Variants in MAPKBP1 observed in about 807,000 individuals in gnomAD.
MAPKBP1 encodes the protein mitogen-activated protein kinase-binding protein 1.
Under a neutral mutation model 170.5 loss-of-function variants are expected in MAPKBP1, and 71 were observed. That is an observed-to-expected ratio of 0.42 (90% CI 0.34 to 0.51). The LOEUF is 0.51. Ranked by LOEUF, MAPKBP1 falls within the 20% of genes least tolerant of loss-of-function variation. MAPKBP1 has a pLI of 0.06. For synonymous variants in MAPKBP1, 719 were observed against 757.9 expected, an observed-to-expected ratio of 0.95 and a Z score of 0.84; for missense variants, 1,598 against 1,933.0, an observed-to-expected ratio of 0.83 and a Z score of 3.25.
rs1249164007 is a variant in MAPKBP1 at position 41,824,561 on chromosome 15, T to C, written c.4291T>C (p.Tyr1431His). 6.3e-7 allele frequency: 1 copy of C among 1,594,794 alleles called. No homozygotes were observed. The highest frequency in any genetic ancestry group is 8.5e-7 in the Non-Finnish European group (1 of 1,172,498). ...CAGCGTGCGCCAGGCAGTGCGGCTC[T>C]ACCACTCGGTGGGTGTTAGGTGCCC... ...RGSVRQAVRL[Y>H]HSVAGCKMPS... Residue 1431 changes from tyrosine (Y) to histidine (H), a missense_variant, in exon 30 of 31, where the codon TAC (tyrosine) becomes CAC (histidine). Transcript: ENST00000457542.
At chr15:41,808,238 C>A (rs1890456318) in intron 3 of MAPKBP1, among the ~76,000 whole-genome samples, 1 of 150,754 alleles carries the variant, frequency 6.6e-6, no homozygotes, top group Admixed American at 6.6e-5. Context: ...TCCCCAGTAG[C>A]TGGGACTACA....
rs559673133 is a variant in MAPKBP1 at position 41,775,262 on chromosome 15, G to T, written c.-14G>T. On this transcript the variant is annotated 5_prime_UTR_variant, in exon 2 of 31. Transcript: ENST00000457542. ...GACTGGGCCGGGGACTGTCCCAAAG[G>T]GTTTCTCGTCATAATGGCTGTGGAA... is the stretch of plus-strand genomic sequence containing the variant. 4 of 1,608,014 alleles carry T rather than the reference G, an allele frequency of 2.5e-6. 1 individual carries two copies. The African/African-American group carries it at 5.3e-5, about 21-fold the overall frequency.
chr15:41,804,532 G>C (rs1385938611), intron 3 of MAPKBP1, among the ~76,000 whole-genome samples: 4 of 152,242 alleles, frequency 2.6e-5, no homozygotes, highest in Admixed American at 2.6e-4. Context: ...AAAAGGCCTT[G>C]GGGTGCTGCT....
intron 1 of MAPKBP1, chr15:41,774,954 C>CCCG (rs2064071998): frequency 2.1e-6 from 1 of 485,856 alleles, no homozygotes; most frequent in South Asian, 4.0e-5. Flanking sequence ...CAGTTAAACG[C>CCCG]CTCTGGCGGG....
rs558444031 is a variant in MAPKBP1 at position 41,813,795 on chromosome 15, G to C, written c.980+14G>C. The C allele has an allele frequency of 2.5e-6, 4 of 1,568,876 alleles. No homozygotes were observed. Among genetic ancestry groups the C allele is most frequent in the Non-Finnish European group, 3.5e-6 (4 of 1,158,460 alleles). ...CACCGAGGCCAGGTGAGCTATGTGG[G>C]CCCCCCTTCCTCCATTTGTAGCCTT... is the stretch of plus-strand genomic sequence containing the variant. On this transcript the variant is annotated intron_variant, in intron 9 of 30. Coordinates refer to ENST00000457542, the MANE Select transcript of MAPKBP1 (RefSeq NM_014994.3).
rs1197976135 is a variant in MAPKBP1, at chr15:41,813,659, C to T, written c.858C>T (p.Tyr286=). 6.2e-7 allele frequency: 1 copy of T among 1,614,130 alleles called. No homozygotes were observed. Among genetic ancestry groups the T allele is most frequent in the South Asian group, 1.1e-5 (1 of 91,082 alleles). The change falls in exon 9 of 31, where the codon TAC becomes TAT. Residue 286 remains tyrosine (Y), a synonymous_variant. Transcript: ENST00000457542. ...ACTGCATCTCTGTGAGCCAAGACTA[C>T]ATCTTCTGTGGCTGTGCTGATGGCA... The part of the protein sequence containing the change: ...VAHCISVSQD[Y]IFCGCADGTV...
At chr15:41,791,802 A>C (rs2064400522) in intron 2 of MAPKBP1, among the ~76,000 whole-genome samples, 1 of 151,970 alleles carries the variant, frequency 6.6e-6, no homozygotes, top group African/African-American at 2.4e-5. Flanking sequence ...CACTGCCTGT[A>C]CCTCATCTTC....
chr15:41,803,556 A>G (rs1013254886), intron 3 of MAPKBP1, among the ~76,000 whole-genome samples: 5 of 151,992 alleles, frequency 3.3e-5, no homozygotes, highest in Admixed American at 3.3e-4. Context: ...AAAAGTAAAA[A>G]TAAAAAAAAT....
At chr15:41,781,896 A>G (rs2064194916) in intron 2 of MAPKBP1, among the ~76,000 whole-genome samples, 1 of 152,070 alleles carries the variant, frequency 6.6e-6, no homozygotes, top group South Asian at 2.1e-4. Flanking sequence ...TCTTTTCTTC[A>G]TAAGTTTGGC....
At chr15:41,805,501 G>A (rs1446467754) in intron 3 of MAPKBP1, among the ~76,000 whole-genome samples, 2 of 152,228 alleles carry the variant, frequency 1.3e-5, no homozygotes, top group African/African-American at 4.8e-5. Flanking sequence ...GCGCACAGCT[G>A]CTCCTCTCCC....
At chr15:41,821,434 C>T in intron 23 of MAPKBP1, 150 bp from the exon 24 acceptor site, 1 of 711,476 alleles carries the variant, frequency 1.4e-6, no homozygotes, top group Non-Finnish European at 2.4e-6. Flanking sequence ...CTTCAGCTTC[C>T]CCTTGAATGA....
At chr15:41,814,320 T>A (rs1306446041) in intron 9 of MAPKBP1, among the ~76,000 whole-genome samples, 1 of 152,218 alleles carries the variant, frequency 6.6e-6, no homozygotes, top group Non-Finnish European at 1.5e-5. Flanking sequence ...GTACCTTGTC[T>A]AACGTTGGTG....
chr15:41,819,555 G>GGGGGGA, intron 21 of MAPKBP1, 40 bp from the exon 22 acceptor site: 7 of 1,481,942 alleles, frequency 4.7e-6, no homozygotes. Flanking sequence ...GGCGGGGGGG[G>GGGGGGA]GGCAGGAGAC....
chr15:41,794,617 T>C (rs2064453525), intron 2 of MAPKBP1, among the ~76,000 whole-genome samples: 1 of 152,148 alleles, frequency 6.6e-6, no homozygotes, highest in South Asian at 2.1e-4. Context: ...TGGTCTGAAA[T>C]ACCCCAGTTT....
rs1462101032 is a variant in MAPKBP1, at chr15:41,793,251, G to GC, written c.115-6570dup. ...GCCTGTAATCCCAGCACTTTGGGAGGCCGAGATGGGTGGATCATGAGGTCA... is the reference window on the plus strand; with the variant it reads ...GCCTGTAATCCCAGCACTTTGGGAGGCCCGAGATGGGTGGATCATGAGGTCA... On this transcript the variant is annotated intron_variant, in intron 2 of 30. Transcript: ENST00000457542. Among the ~76,000 whole-genome samples, 5 of 152,210 alleles carry GC rather than the reference G, an allele frequency of 3.3e-5. No homozygotes were observed. In the East Asian group the frequency reaches 9.6e-4, roughly 29 times the overall value.
At chr15:41,811,263 T>C in intron 5 of MAPKBP1, 28 bp downstream of exon 5, 2 of 1,613,772 alleles carry the variant, frequency 1.2e-6, no homozygotes, top group Non-Finnish European at 1.7e-6. Flanking sequence ...CTGGCAGTAC[T>C]GTAAAGAGGG....
At chr15:41,807,139 C>A (rs913634862) in intron 3 of MAPKBP1, among the ~76,000 whole-genome samples, 1 of 152,156 alleles carries the variant, frequency 6.6e-6, no homozygotes, top group Non-Finnish European at 1.5e-5. Context: ...TTAGGCTATA[C>A]TGGGGGCAAG....
Position 41,822,580 on chromosome 15 carries a change from C to T in MAPKBP1, c.3230-13C>T, listed in dbSNP as rs766553823. The T allele has an allele frequency of 1.9e-6, 3 of 1,613,634 alleles. No individual in the cohort carries two copies. The South Asian group carries it at 3.3e-5, about 18-fold the overall frequency. On this transcript the variant is annotated splice_polypyrimidine_tract_variant and intron_variant, in intron 26 of 30. Transcript: ENST00000457542. ...GTTTTTGCCCCAATTCATGATTTCT[C>T]TGACCTTGGTAGGGGCCCCAGTGCA...
intron 3 of MAPKBP1, among the ~76,000 whole-genome samples, chr15:41,806,377 C>G (rs917943702): frequency 6.6e-6 from 1 of 152,194 alleles, no homozygotes; most frequent in Admixed American, 6.5e-5. Flanking sequence ...GAAAACAATT[C>G]AAAGGCCCAG....
Sources: allele counts gnomAD v4.1 joint callset (sites outside exome capture counted in the v4.1 genomes callset), GRCh38; gene constraint gnomAD v4.1.1; transcripts MANE v1.5; gene names NCBI Gene and HGNC (gene_info 2026-07-23, HGNC 2026-07-21).